The following MACROD2 variants were observed in gnomAD, a reference collection of about 807,000 sequenced individuals.
The protein encoded by MACROD2 is ADP-ribose glycohydrolase MACROD2.
MACROD2 carries 36 observed loss-of-function variants against 70.4 expected under a neutral mutation model. The observed-to-expected ratio is 0.51, with a 90% CI of 0.39 to 0.68. The LOEUF (loss-of-function observed/expected upper bound fraction) is 0.68. Ranked by LOEUF, MACROD2 falls within the 30% of genes least tolerant of loss-of-function variation. The pLI is 0.00. For synonymous variants in MACROD2, 172 were observed against 178.8 expected (o/e 0.96, Z 0.30); for missense variants, 496 against 538.4 (o/e 0.92, Z 0.78).
chr20:14,345,649 C>T (rs2083056250), intron 3 of MACROD2, among the ~76,000 whole-genome samples: 2 of 151,962 alleles, frequency 1.3e-5, no homozygotes, highest in Admixed American at 6.5e-5. Flanking sequence ...AGGCTGGTCT[C>T]GAACTCCTGA....
intron 5 of MACROD2, among the ~76,000 whole-genome samples, chr20:14,770,913 G>A (rs1378697939): frequency 1.3e-5 from 2 of 152,004 alleles, no homozygotes; most frequent in African/African-American, 2.4e-5. Context: ...TACCAAAGAT[G>A]TTATGATGGT....
At chr20:16,016,642 G>A (rs1345033281) in intron 15 of MACROD2, among the ~76,000 whole-genome samples, 1 of 152,128 alleles carries the variant, frequency 6.6e-6, no homozygotes, top group East Asian at 1.9e-4. Flanking sequence ...TTCAAGCGAT[G>A]CTCCTGCCTC....
At chr20:14,591,361 A>G (rs1289938632) in intron 4 of MACROD2, among the ~76,000 whole-genome samples, 2 of 152,214 alleles carry the variant, frequency 1.3e-5, no homozygotes, top group African/African-American at 4.8e-5. Context: ...ATTATTATAT[A>G]TCAACTTTAT....
At chr20:14,036,483 A>G (rs1373984604) in intron 2 of MACROD2, among the ~76,000 whole-genome samples, 1 of 152,120 alleles carries the variant, frequency 6.6e-6, no homozygotes, top group African/African-American at 2.4e-5. Flanking sequence ...TACAAAGAAA[A>G]TTTTCTGAAG....
At chr20:14,690,754 T>C (rs1289045269) in intron 5 of MACROD2, among the ~76,000 whole-genome samples, 1 of 152,136 alleles carries the variant, frequency 6.6e-6, no homozygotes, top group Non-Finnish European at 1.5e-5. Context: ...TAGAACACAG[T>C]TGTGGCCATT....
intron 8 of MACROD2, among the ~76,000 whole-genome samples, chr20:15,712,451 C>T (rs761040771): frequency 1.3e-5 from 2 of 152,180 alleles, no homozygotes; most frequent in Non-Finnish European, 2.9e-5. Flanking sequence ...GCCACCTCCC[C>T]CACCACTACT....
chr20:15,390,053 C>G (rs1218505052), intron 6 of MACROD2, among the ~76,000 whole-genome samples: 1 of 152,174 alleles, frequency 6.6e-6, no homozygotes, highest in South Asian at 2.1e-4. Context: ...GAGACAAGCA[C>G]TGGTTGGGTT....
At chr20:14,315,220 T>C (rs1601465438) in intron 3 of MACROD2, among the ~76,000 whole-genome samples, 2 of 152,330 alleles carry the variant, frequency 1.3e-5, no homozygotes, top group East Asian at 3.9e-4. Context: ...GGCAAGTTGC[T>C]TTAACTGTTT....
At chr20:13,996,326 G>C (rs1167208908) in intron 1 of MACROD2, 1 of 167,320 alleles carries the variant, frequency 6.0e-6, no homozygotes, top group African/African-American at 2.4e-5. Context: ...CCACCATCGG[G>C]TGTTTACCCC....
intron 16 of MACROD2, among the ~76,000 whole-genome samples, chr20:16,042,743 C>A (rs2067324332): frequency 6.6e-6 from 1 of 152,036 alleles, no homozygotes; most frequent in Admixed American, 6.6e-5. Flanking sequence ...AATGCTTATA[C>A]TTACATAGGG....
At chr20:15,550,088 A>C (rs1014667837) in intron 8 of MACROD2, among the ~76,000 whole-genome samples, 1 of 152,008 alleles carries the variant, frequency 6.6e-6, no homozygotes, top group African/African-American at 2.4e-5. Flanking sequence ...TTTTGTTAAT[A>C]GAGTATCTTT....
intron 13 of MACROD2, among the ~76,000 whole-genome samples, chr20:15,975,591 A>C (rs1331728666): frequency 6.6e-6 from 1 of 152,208 alleles, no homozygotes; most frequent in Non-Finnish European, 1.5e-5. Context: ...GAAATAAAAA[A>C]GCAGGACTCA....
intron 4 of MACROD2, among the ~76,000 whole-genome samples, chr20:14,633,359 G>C (rs1984615847): frequency 6.6e-6 from 1 of 152,062 alleles, no homozygotes. Flanking sequence ...ATCTTTGGGG[G>C]CCATCATTCA....
intron 15 of MACROD2, among the ~76,000 whole-genome samples, chr20:16,017,749 C>A (rs1287523570): frequency 6.6e-6 from 1 of 152,238 alleles, no homozygotes; most frequent in Non-Finnish European, 1.5e-5. Context: ...TTACCTATCA[C>A]TTCTACCACA....
chr20:14,651,109 A>G (rs1019435392), intron 4 of MACROD2, among the ~76,000 whole-genome samples: 3 of 152,218 alleles, frequency 2.0e-5, no homozygotes, highest in African/African-American at 7.2e-5. Flanking sequence ...TGGAAGGTAC[A>G]GAATTAAATG....
chr20:14,757,866 G>A, intron 5 of MACROD2: 2 of 1,497,216 alleles, frequency 1.3e-6, no homozygotes. Flanking sequence ...GGGACTGGCA[G>A]GCCTCGGCCT....
chr20:14,546,186 T>G (rs2123246605), intron 4 of MACROD2, among the ~76,000 whole-genome samples: 1 of 152,322 alleles, frequency 6.6e-6, no homozygotes, highest in East Asian at 1.9e-4. Flanking sequence ...TGAAACTCTA[T>G]GTAAATATAG....
chr20:15,834,983 G>A (rs1437591587), intron 8 of MACROD2, among the ~76,000 whole-genome samples: 1 of 152,084 alleles, frequency 6.6e-6, no homozygotes, highest in Non-Finnish European at 1.5e-5. Context: ...GCAGCTTCTG[G>A]CTGGTCTTGT....
At chr20:15,047,354 T>C (rs2075402927) in intron 5 of MACROD2, among the ~76,000 whole-genome samples, 1 of 152,160 alleles carries the variant, frequency 6.6e-6, no homozygotes, top group Non-Finnish European at 1.5e-5. Flanking sequence ...CTTCAGTGTT[T>C]CCTCCTACCT....
Sources: gnomAD v4.1 joint callset for allele counts (sites outside exome capture counted in the v4.1 genomes callset) on GRCh38, gnomAD v4.1.1 for gene constraint, MANE v1.5 for transcripts, NCBI Gene and HGNC (gene_info 2026-07-23, HGNC 2026-07-21) for gene names.